The following TMEM38B variants were observed in gnomAD, a reference collection of about 807,000 sequenced individuals.
TMEM38B encodes the protein trimeric intracellular cation channel type B.
TMEM38B carries 24 observed loss-of-function variants against 28.7 expected under a neutral mutation model. That is an observed-to-expected ratio of 0.84 (90% CI 0.61 to 1.18). TMEM38B has a LOEUF of 1.18. Among genes scored for constraint, TMEM38B ranks in the 50% most tolerant of loss-of-function variants. The pLI is 0.00. For missense variants in TMEM38B, 380 were observed against 350.9 expected (o/e 1.08, Z -0.66); for synonymous variants, 131 against 127.7 (o/e 1.03, Z -0.17).
chr9:105,705,990 T>C (rs570726930), intron 2 of TMEM38B, among the ~76,000 whole-genome samples: 2 of 149,834 alleles, frequency 1.3e-5, no homozygotes, highest in South Asian at 2.2e-4. Context: ...AACCTCCACC[T>C]CCTGGGTTCA....
At chr9:105,773,795 TTTTG>T in intron 5 of TMEM38B, 66 bp from the exon 6 acceptor site, 3 of 1,483,156 alleles carry the variant, frequency 2.0e-6, no homozygotes, top group Non-Finnish European at 2.8e-6. Context: ...TTTTTTTTCC[TTTTG>T]TTTCTCTCTC....
intron 4 of TMEM38B, among the ~76,000 whole-genome samples, chr9:105,743,000 TGGC>T (rs1161930051): frequency 6.6e-6 from 1 of 152,200 alleles, no homozygotes; most frequent in African/African-American, 2.4e-5. Flanking sequence ...ACATGACTGT[TGGC>T]GGTGCATTTG....
At chr9:105,706,572 G>A (rs1438896605) in intron 2 of TMEM38B, among the ~76,000 whole-genome samples, 1 of 152,176 alleles carries the variant, frequency 6.6e-6, no homozygotes, top group Admixed American at 6.5e-5. Context: ...CATAGCTGGT[G>A]GCCTTTTAGC....
intron 3 of TMEM38B, 87 bp downstream of exon 3, chr9:105,721,808 G>A: frequency 9.8e-7 from 1 of 1,022,226 alleles, no homozygotes; most frequent in Non-Finnish European, 1.4e-6. Flanking sequence ...TTACATTAAT[G>A]GATCACATAC....
At chr9:105,749,135 C>A in intron 5 of TMEM38B, 9 of 1,300,428 alleles carry the variant, frequency 6.9e-6, no homozygotes, top group East Asian at 5.6e-5. Context: ...GAGGCAAAAT[C>A]TCTTCACATG....
chr9:105,748,722 T>A (rs1345947074), intron 5 of TMEM38B, among the ~76,000 whole-genome samples: 1 of 152,202 alleles, frequency 6.6e-6, no homozygotes, highest in African/African-American at 2.4e-5. Flanking sequence ...TGTCTCTGAA[T>A]CCTGATTTTC....
chr9:105,736,198 C>A (rs1836971595), intron 4 of TMEM38B, among the ~76,000 whole-genome samples: 1 of 151,914 alleles, frequency 6.6e-6, no homozygotes. Context: ...AGCTTTCTGT[C>A]CCTTTTACTG....
chr9:105,696,031 G>A lies in TMEM38B; in HGVS notation c.112+1259G>A, dbSNP rs367728661. Among the ~76,000 whole-genome samples, 61 of 152,288 alleles carry A rather than the reference G, an allele frequency of 4.0e-4. 1 individual carries two copies. In the South Asian group the frequency reaches 0.012, roughly 31 times the overall value. On this transcript the variant is annotated intron_variant, in intron 1 of 5. Transcript: ENST00000374692. ...GGTCCAGGGACCCATGGGATTCTCT[G>A]ACACTGCCAGTTTAAAATTACTTTC... is the stretch of plus-strand genomic sequence containing the variant.
At chr9:105,732,083 C>T (rs1588429979) in intron 4 of TMEM38B, among the ~76,000 whole-genome samples, 1 of 152,062 alleles carries the variant, frequency 6.6e-6, no homozygotes, top group African/African-American at 2.4e-5. Context: ...TTTCATATGT[C>T]TGTTGGCTGC....
At chr9:105,694,825 G>T in intron 1 of TMEM38B, 53 bp downstream of exon 1, 1 of 451,024 alleles carries the variant, frequency 2.2e-6, no homozygotes, top group Non-Finnish European at 3.8e-6. Flanking sequence ...TGACGGCGAG[G>T]ACCGTCTAAG....
intron 2 of TMEM38B, among the ~76,000 whole-genome samples, chr9:105,708,011 C>G (rs145863289): frequency 4.2e-4 from 64 of 150,984 alleles, no homozygotes; most frequent in African/African-American, 1.6e-3. Context: ...TTGATACTTT[C>G]TGTTATTTCT....
intron 4 of TMEM38B, among the ~76,000 whole-genome samples, chr9:105,733,346 T>G (rs1836838619): frequency 6.6e-6 from 1 of 152,110 alleles, no homozygotes; most frequent in Non-Finnish European, 1.5e-5. Flanking sequence ...CTATTTGAAT[T>G]TGGTTTACTG....
intron 5 of TMEM38B, among the ~76,000 whole-genome samples, chr9:105,765,319 C>A (rs1174836805): frequency 3.9e-5 from 6 of 152,074 alleles, no homozygotes; most frequent in African/African-American, 1.4e-4. Context: ...TTTTAAAAGT[C>A]AACTTTTTAG....
intron 5 of TMEM38B, among the ~76,000 whole-genome samples, chr9:105,770,243 A>T (rs1240834371): frequency 1.3e-5 from 2 of 152,326 alleles, no homozygotes; most frequent in East Asian, 3.9e-4. Context: ...TTGTCTAAAA[A>T]GGAGCAGGAG....
intron 5 of TMEM38B, among the ~76,000 whole-genome samples, chr9:105,761,526 CAT>C (rs1371305824): frequency 1.3e-5 from 2 of 152,132 alleles, no homozygotes; most frequent in East Asian, 1.9e-4. Context: ...ATAAATAAAA[CAT>C]ATAATCTCTT....
rs149618734 is a variant in TMEM38B, at chr9:105,704,435, T to C, written c.113-1162T>C. On this transcript the variant is annotated intron_variant, in intron 1 of 5. Coordinates refer to ENST00000374692, the MANE Select transcript of TMEM38B (RefSeq NM_018112.3). ...AAGTAATTAAGTAAATAAATAAATATAGTTTGAGTTAGAGACATTGTTCAT... is the reference window on the plus strand; with the variant it reads ...AAGTAATTAAGTAAATAAATAAATACAGTTTGAGTTAGAGACATTGTTCAT... Among the ~76,000 whole-genome samples, 21 of 152,128 alleles carry C rather than the reference T, an allele frequency of 1.4e-4. No individual in the cohort carries two copies. The East Asian group carries it at 4.1e-3, about 29-fold the overall frequency.
At chr9:105,769,034 C>T (rs1478701499) in intron 5 of TMEM38B, among the ~76,000 whole-genome samples, 1 of 152,130 alleles carries the variant, frequency 6.6e-6, no homozygotes, top group Non-Finnish European at 1.5e-5. Context: ...TGGACAAAGT[C>T]AAAATATAGC....
intron 5 of TMEM38B, among the ~76,000 whole-genome samples, chr9:105,766,517 G>T (rs1303403021): frequency 2.0e-5 from 3 of 152,078 alleles, no homozygotes; most frequent in Non-Finnish European, 2.9e-5. Context: ...TGAGATATAT[G>T]TATTGCAAAT....
chr9:105,700,092 A>G (rs995941528), intron 1 of TMEM38B, among the ~76,000 whole-genome samples: 1 of 152,164 alleles, frequency 6.6e-6, no homozygotes, highest in Non-Finnish European at 1.5e-5. Context: ...ATTACACACA[A>G]AATGTATTGT....
Sources: gnomAD v4.1 joint callset for allele counts (sites outside exome capture counted in the v4.1 genomes callset) on GRCh38, gnomAD v4.1.1 for gene constraint, MANE v1.5 for transcripts, NCBI Gene and HGNC (gene_info 2026-07-23, HGNC 2026-07-21) for gene names.